The following DNAJA2 variants were observed in gnomAD, a reference collection of about 807,000 sequenced individuals.
DNAJA2 encodes the protein DnaJ heat shock protein family (Hsp40) member A2, also known as dnaJ homolog subfamily A member 2.
In DNAJA2, 6 loss-of-function variants were observed where a neutral mutation model predicts 49.3. The observed-to-expected ratio is 0.12, with a 90% confidence interval of 0.07 to 0.24. The LOEUF (loss-of-function observed/expected upper bound fraction) is 0.24. Ranked by LOEUF, DNAJA2 falls within the 10% of genes least tolerant of loss-of-function variation. The pLI is 1.00. For synonymous variants in DNAJA2, 160 were observed against 172.7 expected, an observed-to-expected ratio of 0.93 and a Z score of 0.58; for missense variants, 347 against 516.8, an observed-to-expected ratio of 0.67 and a Z score of 3.19.
In DNAJA2 at chr16:46,971,344, T is replaced by C. The variant is rs1377706832; in HGVS notation, c.362+5A>G. 2 of 1,603,240 alleles carry C rather than the reference T, an allele frequency of 1.2e-6. No individual in the cohort carries two copies. Among genetic ancestry groups the C allele is most frequent in the Admixed American group, 1.8e-5 (1 of 57,082 alleles). On this transcript the variant is annotated splice_donor_5th_base_variant and intron_variant, in intron 3 of 8. Coordinates refer to ENST00000317089, the MANE Select transcript of DNAJA2 (RefSeq NM_005880.4). Reference sequence around the variant, plus strand: ...TTTTTTAAAACAACAAAACAAGATATTCACTTGAGTGGATGCATCATGTCC... The same window carrying C: ...TTTTTTAAAACAACAAAACAAGATACTCACTTGAGTGGATGCATCATGTCC...
At position 46,955,836 on chromosome 16, in the gene DNAJA2, G is replaced by A. The variant is rs1296501930; in HGVS notation, c.*1193C>T. The A allele has an allele frequency of 2.0e-5, 3 of 151,770 alleles. No homozygotes were observed. Among genetic ancestry groups the A allele is most frequent in the Non-Finnish European group, 2.9e-5 (2 of 67,962 alleles). The allele number at this position is 151,770 out of a possible 1,614,324, so 9.4% of individuals were successfully genotyped here. A position where few individuals can be genotyped will look rare whatever the true frequency, so the allele number is the denominator to read the frequency against. On this transcript the variant is annotated 3_prime_UTR_variant, in exon 9 of 9. Coordinates refer to ENST00000317089, the MANE Select transcript of DNAJA2 (RefSeq NM_005880.4). ...AACATCCGTTTCATCAATTTTACCTGATTTTTCTCAAACCAGCCTTTTTTT... is the reference window on the plus strand; with the variant it reads ...AACATCCGTTTCATCAATTTTACCTAATTTTTCTCAAACCAGCCTTTTTTT...
intron 2 of DNAJA2, 57 bp downstream of exon 2, chr16:46,971,838 GA>G: frequency 7.1e-7 from 1 of 1,409,644 alleles, no homozygotes; most frequent in Non-Finnish European, 1.0e-6. Context: ...CTTTTTCAAG[GA>G]GGGCAATTTA....
intron 8 of DNAJA2, 105 bp downstream of exon 8, chr16:46,958,898 C>G: frequency 1.5e-6 from 2 of 1,314,220 alleles, no homozygotes; most frequent in Non-Finnish European, 2.1e-6. Flanking sequence ...GAGCCACGAT[C>G]ACACCACTAC....
In DNAJA2 at chr16:46,973,640, C is replaced by T. The variant is rs554745309; in HGVS notation, c.-68G>A. On this transcript the variant is annotated 5_prime_UTR_variant, in exon 1 of 9. Coordinates refer to ENST00000317089, the MANE Select transcript of DNAJA2 (RefSeq NM_005880.4). The stretch of plus-strand genomic sequence containing the variant: ...GACAGAGCGGAGTCGGGCCCACAAG[C>T]GGCGTCGGCGGCGGCACAGGCCGAG... 3.3e-5 allele frequency: 50 copies of T among 1,506,444 alleles called. No homozygotes were observed. In the East Asian group the frequency reaches 9.0e-4, roughly 27 times the overall value. The allele number at this position is 1,506,444 out of a possible 1,614,324, so 93.3% of individuals were successfully genotyped here.
chr16:46,970,860 G>GA (rs886870548), intron 3 of DNAJA2, among the ~76,000 whole-genome samples: 8 of 147,654 alleles, frequency 5.4e-5, no homozygotes, highest in African/African-American at 1.7e-4. Flanking sequence ...CCAACATGGA[G>GA]AAACCCCATC....
chr16:46,963,970 C>T (rs1283412805), intron 6 of DNAJA2, among the ~76,000 whole-genome samples: 4 of 152,064 alleles, frequency 2.6e-5, no homozygotes, highest in Non-Finnish European at 4.4e-5. Flanking sequence ...AGTCAATGAC[C>T]AGGCCAGAGG....
chr16:46,971,122 A>C (rs1199454075), intron 3 of DNAJA2, among the ~76,000 whole-genome samples: 5 of 152,160 alleles, frequency 3.3e-5, no homozygotes, highest in African/African-American at 1.2e-4. Context: ...GAACCATATA[A>C]AACCACCTTC....
At chr16:46,963,594 G>C (rs763502033) in intron 6 of DNAJA2, among the ~76,000 whole-genome samples, 49 of 151,754 alleles carry the variant, frequency 3.2e-4, no homozygotes, top group Non-Finnish European at 5.0e-4. Context: ...CCAGCTACTT[G>C]GGAGGCTGAG....
chr16:46,960,274 AG>A (rs1400761372), intron 6 of DNAJA2, among the ~76,000 whole-genome samples: 2 of 152,354 alleles, frequency 1.3e-5, no homozygotes, highest in South Asian at 2.1e-4. Flanking sequence ...GAAACTTGTT[AG>A]GAACACATAT....
Position 46,971,526 on chromosome 16 carries a change from T to G in DNAJA2, c.185A>C (p.Lys62Thr). The G allele has an allele frequency of 6.2e-7, 1 of 1,609,498 alleles. No homozygotes were observed. Among genetic ancestry groups the G allele is most frequent in the Non-Finnish European group, 8.5e-7 (1 of 1,178,816 alleles). Residue 62 changes from lysine (K) to threonine (T), a missense_variant, in exon 3 of 9, where the codon AAG becomes ACG. Coordinates refer to ENST00000317089, the MANE Select transcript of DNAJA2 (RefSeq NM_005880.4). ...TCCGTATCTGTCATATAACTCACGCTTCTCAGGATTTGATAGTACTTCATA... is the reference window on the plus strand; with the variant it reads ...TCCGTATCTGTCATATAACTCACGCGTCTCAGGATTTGATAGTACTTCATA... ...FAYEVLSNPEKRELYDRYGEQ... is the reference protein window; with the variant it reads ...FAYEVLSNPETRELYDRYGEQ...
intron 5 of DNAJA2, among the ~76,000 whole-genome samples, chr16:46,965,561 T>G (rs1021915106): frequency 2.0e-5 from 3 of 152,192 alleles, no homozygotes; most frequent in African/African-American, 7.2e-5. Flanking sequence ...CCGGGCATGG[T>G]GGCTCACACC....
At chr16:46,962,866 C>T (rs1452960416) in intron 6 of DNAJA2, among the ~76,000 whole-genome samples, 1 of 152,118 alleles carries the variant, frequency 6.6e-6, no homozygotes, top group African/African-American at 2.4e-5. Context: ...CAAGTCTGAC[C>T]TTGTGAGGGA....
chr16:46,965,509 AG>A (rs1443770911), intron 5 of DNAJA2, among the ~76,000 whole-genome samples: 1 of 152,176 alleles, frequency 6.6e-6, no homozygotes, highest in Non-Finnish European at 1.5e-5. Context: ...ACTTGTGCAA[AG>A]TATGTTCTGC....
intron 6 of DNAJA2, among the ~76,000 whole-genome samples, chr16:46,960,844 C>A (rs1267394987): frequency 6.6e-6 from 1 of 151,494 alleles, no homozygotes; most frequent in Non-Finnish European, 1.5e-5. Flanking sequence ...GAGGCCAGTT[C>A]AAAACAGCAA....
intron 5 of DNAJA2, 92 bp from the exon 6 acceptor site, chr16:46,964,899 T>A: frequency 2.8e-6 from 3 of 1,077,772 alleles, no homozygotes; most frequent in South Asian, 1.7e-5. Flanking sequence ...GGACTTCTTT[T>A]AATCACTACC....
At chr16:46,967,238 T>C (rs1961985101) in intron 5 of DNAJA2, among the ~76,000 whole-genome samples, 1 of 152,000 alleles carries the variant, frequency 6.6e-6, no homozygotes, top group Non-Finnish European at 1.5e-5. Context: ...AGACATGCCC[T>C]GAGCCCCTCA....
chr16:46,964,986 A>C (rs1961948240), intron 5 of DNAJA2, among the ~76,000 whole-genome samples, 179 bp from the exon 6 acceptor site: 1 of 152,186 alleles, frequency 6.6e-6, no homozygotes. Flanking sequence ...TTGCGAGGTC[A>C]GGGTGGTAGG....
chr16:46,973,616 A>T lies in DNAJA2; in HGVS notation c.-44T>A. On this transcript the variant is annotated 5_prime_UTR_variant, in exon 1 of 9. Transcript: ENST00000317089. ...GCTCGGGGAGAAGGTGGCGAAGCAG[A>T]CAGAGCGGAGTCGGGCCCACAAGCG... The T allele has an allele frequency of 6.3e-7, 1 of 1,576,858 alleles. No individual in the cohort carries two copies. The highest frequency in any genetic ancestry group is 2.4e-5 in the East Asian group (1 of 42,250).
At chr16:46,971,723 C>T (rs1227423475) in intron 2 of DNAJA2, 151 bp from the exon 3 acceptor site, 5 of 830,966 alleles carry the variant, frequency 6.0e-6, no homozygotes, top group African/African-American at 3.5e-5. Context: ...TACCACCCAC[C>T]GCTCCTCAGA....
Sources: allele counts gnomAD v4.1 joint callset (sites outside exome capture counted in the v4.1 genomes callset), GRCh38; gene constraint gnomAD v4.1.1; transcripts MANE v1.5; gene names NCBI Gene and HGNC (gene_info 2026-07-23, HGNC 2026-07-21).